Variants in STXBP5 observed in about 807,000 individuals in gnomAD.
The protein encoded by STXBP5 is syntaxin-binding protein 5.
Under a neutral mutation model 152.4 loss-of-function variants are expected in STXBP5, and 50 were observed. The ratio of observed to expected loss-of-function variants is 0.33; its 90% confidence interval spans 0.26 to 0.42. STXBP5 has a LOEUF of 0.42. Among genes scored for constraint, STXBP5 ranks in the 10% least tolerant of loss-of-function variants. The pLI, the probability that STXBP5 is intolerant of heterozygous loss-of-function variation, is 1.00. For missense variants in STXBP5, 1,167 were observed against 1,388.6 expected, an observed-to-expected ratio of 0.84 and a Z score of 2.54; for synonymous variants, 492 against 494.7, an observed-to-expected ratio of 0.99 and a Z score of 0.07.
chr6:147,260,205 G>T (rs991349792), intron 4 of STXBP5, among the ~76,000 whole-genome samples: 10 of 152,136 alleles, frequency 6.6e-5, no homozygotes, highest in Non-Finnish European at 1.0e-4. Context: ...TGCCTGGAAG[G>T]AGTAGTAACC....
chr6:147,300,778 G>A (rs1412777956), intron 9 of STXBP5, among the ~76,000 whole-genome samples: 2 of 151,890 alleles, frequency 1.3e-5, no homozygotes, highest in African/African-American at 4.8e-5. Flanking sequence ...CAAAAGTGTA[G>A]GCAACAAAAG....
chr6:147,211,068 T>C (rs1328372389), intron 2 of STXBP5, among the ~76,000 whole-genome samples: 2 of 152,100 alleles, frequency 1.3e-5, no homozygotes, highest in Non-Finnish European at 2.9e-5. Context: ...ATCCCAGCAC[T>C]TTGGGAGGCC....
intron 18 of STXBP5, among the ~76,000 whole-genome samples, chr6:147,333,670 C>T (rs1308763870): frequency 1.3e-5 from 2 of 152,196 alleles, no homozygotes; most frequent in African/African-American, 4.8e-5. Context: ...TGAAAGCTTT[C>T]TCAGTGACTG....
intron 4 of STXBP5, among the ~76,000 whole-genome samples, chr6:147,239,878 T>C (rs1392798866): frequency 6.6e-6 from 1 of 152,132 alleles, no homozygotes; most frequent in Non-Finnish European, 1.5e-5. Flanking sequence ...ATTTGGGGCT[T>C]TGATTGGAAA....
intron 9 of STXBP5, chr6:147,292,276 T>G: frequency 2.2e-6 from 1 of 451,928 alleles, no homozygotes; most frequent in South Asian, 1.6e-5. Context: ...AACAGATATA[T>G]TCCAACAATA....
At chr6:147,310,284 T>C (rs1435122966) in intron 10 of STXBP5, 46 bp downstream of exon 10, 3 of 1,235,598 alleles carry the variant, frequency 2.4e-6, no homozygotes, top group East Asian at 2.9e-5. Flanking sequence ...AGAGCTGATA[T>C]TAAAAAAAAA....
At chr6:147,218,893 T>C (rs1478909323) in intron 2 of STXBP5, among the ~76,000 whole-genome samples, 1 of 152,258 alleles carries the variant, frequency 6.6e-6, no homozygotes, top group Admixed American at 6.5e-5. Context: ...ATGTTATCAA[T>C]GAACAAAGAA....
chr6:147,239,992 G>A (rs1008761753), intron 4 of STXBP5, among the ~76,000 whole-genome samples: 1 of 151,450 alleles, frequency 6.6e-6, no homozygotes, highest in Non-Finnish European at 1.5e-5. Flanking sequence ...GCCCAGGCTG[G>A]AGTGCAGTGG....
intron 7 of STXBP5, among the ~76,000 whole-genome samples, chr6:147,274,614 C>A (rs188556561): frequency 6.6e-6 from 1 of 152,110 alleles, no homozygotes. Flanking sequence ...ATCATATGTG[C>A]TATAAGCATG....
rs1047210892 is a variant in STXBP5 at position 147,388,469 on chromosome 6, G to A, written c.*3714G>A. 2 of 151,448 alleles carry A rather than the reference G, an allele frequency of 1.3e-5. No homozygotes were observed. The highest frequency in any genetic ancestry group is 3.0e-5 in the Non-Finnish European group (2 of 67,646). The allele number at this position is 151,448 out of a possible 1,614,324, so 9.4% of individuals were successfully genotyped here. A position where few individuals can be genotyped will look rare whatever the true frequency, so the allele number is the denominator to read the frequency against. ...GTTTTAAAATGGAATTTTTATAAAT[G>A]TACTTTAATTTTAAAATGGTGAACT... On this transcript the variant is annotated 3_prime_UTR_variant, in exon 28 of 28. Coordinates refer to ENST00000321680, the MANE Select transcript of STXBP5 (RefSeq NM_001127715.4).
At chr6:147,342,002 C>G (rs139064281) in intron 21 of STXBP5, among the ~76,000 whole-genome samples, 85 of 152,200 alleles carry the variant, frequency 5.6e-4, no homozygotes, top group African/African-American at 1.9e-3. Flanking sequence ...TAAATGAGAG[C>G]AGGATTTACA....
intron 21 of STXBP5, among the ~76,000 whole-genome samples, chr6:147,346,597 A>G (rs1341432571): frequency 2.6e-5 from 4 of 151,992 alleles, no homozygotes; most frequent in African/African-American, 7.2e-5. Context: ...AAAATTAGCC[A>G]GGCATGGTGG....
chr6:147,289,141 G>A (rs569875343), intron 8 of STXBP5, among the ~76,000 whole-genome samples: 1 of 152,232 alleles, frequency 6.6e-6, no homozygotes, highest in Admixed American at 6.5e-5. Flanking sequence ...CAGGAAATGG[G>A]TTCTCCCTGG....
At chr6:147,367,252 A>G (rs9485169) in intron 25 of STXBP5, among the ~76,000 whole-genome samples, 2,548 of 152,342 alleles carry the variant, frequency 0.017, 59 homozygotes, top group African/African-American at 0.057. Context: ...GAAAAAAATA[A>G]CAGTGTTTGA....
chr6:147,360,360 C>T (rs886481455), intron 23 of STXBP5, among the ~76,000 whole-genome samples: 4 of 152,092 alleles, frequency 2.6e-5, no homozygotes, highest in African/African-American at 7.2e-5. Flanking sequence ...ATGTTTATAG[C>T]GGCACTATTC....
At chr6:147,334,061 T>G in intron 18 of STXBP5, 96 bp from the exon 19 acceptor site, 1 of 1,217,072 alleles carries the variant, frequency 8.2e-7, no homozygotes, top group Non-Finnish European at 1.2e-6. Context: ...TGGGTTCTTT[T>G]AAATGGACAG....
At chr6:147,367,405 G>A (rs1284135154) in intron 25 of STXBP5, among the ~76,000 whole-genome samples, 1 of 152,074 alleles carries the variant, frequency 6.6e-6, no homozygotes, top group Non-Finnish European at 1.5e-5. Flanking sequence ...TTGGGAGGCC[G>A]AGGCGGGTGG....
intron 8 of STXBP5, among the ~76,000 whole-genome samples, chr6:147,284,657 G>C (rs1042356028): frequency 1.3e-5 from 2 of 152,136 alleles, no homozygotes; most frequent in Non-Finnish European, 2.9e-5. Context: ...GCAAAGAGCA[G>C]GGCAAAGTTA....
At chr6:147,244,722 G>A (rs1778722347) in intron 4 of STXBP5, among the ~76,000 whole-genome samples, 2 of 152,050 alleles carry the variant, frequency 1.3e-5, no homozygotes, top group East Asian at 3.9e-4. Context: ...CATTTGTAGT[G>A]GACTTTCTGA....
Sources: allele counts gnomAD v4.1 joint callset (sites outside exome capture counted in the v4.1 genomes callset), GRCh38; gene constraint gnomAD v4.1.1; transcripts MANE v1.5; gene names NCBI Gene and HGNC (gene_info 2026-07-23, HGNC 2026-07-21).